Variants in CTRB2 observed in about 807,000 individuals in gnomAD.
CTRB2 encodes chymotrypsinogen B2.
In CTRB2, 9 loss-of-function variants were observed where a neutral mutation model predicts 19.3. The observed-to-expected ratio is 0.47, with a 90% CI of 0.28 to 0.81. The LOEUF is 0.81. CTRB2 is among the 40% of genes least tolerant of loss of function. The pLI, the probability that CTRB2 is intolerant of heterozygous loss-of-function variation, is 0.11. For synonymous variants in CTRB2, 98 were observed against 117.3 expected (o/e 0.84, Z 1.06); for missense variants, 210 against 269.7 (o/e 0.78, Z 1.55).
Position 75,204,210 on chromosome 16 carries a change from C to A in CTRB2, c.743G>T (p.Arg248Leu). 6.2e-7 allele frequency: 1 copy of A among 1,614,038 alleles called. No individual in the cohort carries two copies. The highest frequency in any genetic ancestry group is 8.5e-7 in the Non-Finnish European group (1 of 1,179,950). ...CSTTTPAVYA[R>L]VAKLIPWVQK... ...CACCCAGGGTATGAGCTTGGCGACACGGGCGTACACAGCGGGCGTGGTGGT... is the reference window on the plus strand; with the variant it reads ...CACCCAGGGTATGAGCTTGGCGACAAGGGCGTACACAGCGGGCGTGGTGGT... The change falls in exon 7 of 7, where the codon CGT becomes CTT. Residue 248 changes from arginine (R) to leucine (L), a missense_variant. Arg to Leu is a moderately radical substitution (Grantham distance 102, BLOSUM62 -2). Around this residue, in one of 4 missense-constraint regions of CTRB2, gnomAD observed 120 missense variants for 90.8 expected, o/e 1.32. Coordinates refer to ENST00000303037, the MANE Select transcript of CTRB2 (RefSeq NM_001025200.4).
chr16:75,204,110 C>A lies in CTRB2; in HGVS notation c.*51G>T. 6.2e-7 allele frequency: 1 copy of A among 1,611,702 alleles called. No individual in the cohort carries two copies. The highest frequency in any genetic ancestry group is 8.5e-7 in the Non-Finnish European group (1 of 1,177,928). ...AGGCAGTGCAGTCAGGGCTTCTAAA[C>A]AGATGCATTTAATGGGAAATCTTAA... On this transcript the variant is annotated 3_prime_UTR_variant, in exon 7 of 7. Transcript: ENST00000303037.
intron 1 of CTRB2, chr16:75,206,824 C>CT (rs1370003457): frequency 1.0e-5 from 5 of 498,124 alleles, no homozygotes; most frequent in Non-Finnish European, 1.8e-5. Flanking sequence ...CCTCCCCCCG[C>CT]CTCCTCCCCT....
At chr16:75,206,383 A>G in intron 1 of CTRB2, 190 bp from the exon 2 acceptor site, 1 of 630,786 alleles carries the variant, frequency 1.6e-6, no homozygotes, top group Non-Finnish European at 2.7e-6. Flanking sequence ...AGTCCAATGA[A>G]CTGGGCTGTG....
intron 1 of CTRB2, chr16:75,206,766 G>A (rs2151363530): frequency 2.4e-6 from 1 of 424,244 alleles, no homozygotes; most frequent in East Asian, 5.1e-5. Flanking sequence ...GCCGCTGACT[G>A]TTTGGGGGTT....
chr16:75,206,490 G>T, intron 1 of CTRB2: 1 of 492,278 alleles, frequency 2.0e-6, no homozygotes, highest in East Asian at 3.4e-5. Flanking sequence ...CAGTCTGGGA[G>T]GCCAGACTCT....
At chr16:75,206,255 C>T (rs116929620) in intron 1 of CTRB2, 62 bp from the exon 2 acceptor site, 1 of 1,476,922 alleles carries the variant, frequency 6.8e-7, no homozygotes, top group African/African-American at 1.4e-5. Flanking sequence ...GCTCCAGCCT[C>T]CTCTCACTCC....
chr16:75,206,821 C>T (rs2151363629), intron 1 of CTRB2: 1 of 492,900 alleles, frequency 2.0e-6, no homozygotes, highest in Non-Finnish European at 3.7e-6. Context: ...CCTCCTCCCC[C>T]CGCCTCCTCC....
intron 6 of CTRB2, 138 bp downstream of exon 6, chr16:75,204,635 G>T (rs2038872937): frequency 3.3e-6 from 5 of 1,496,522 alleles, no homozygotes; most frequent in Non-Finnish European, 4.5e-6. Flanking sequence ...CTCATGGGCG[G>T]CTGTGACCCC....
At chr16:75,206,252 C>A (rs1418343656) in intron 1 of CTRB2, 59 bp from the exon 2 acceptor site, 2 of 1,488,384 alleles carry the variant, frequency 1.3e-6, no homozygotes, top group Non-Finnish European at 1.8e-6. Flanking sequence ...AATGCTCCAG[C>A]CTCCTCTCAC....
Position 75,204,191 on chromosome 16 carries a change from G to C in CTRB2, c.762C>G (p.Pro254=), listed in dbSNP as rs779071927. Residue 254 remains proline, a synonymous_variant, in exon 7 of 7, where the codon CCC becomes CCG. Transcript: ENST00000303037. ...AVYARVAKLI[P]WVQKILAAN ...TGGCGGCCAGGATCTTCTGCACCCAGGGTATGAGCTTGGCGACACGGGCGT... is the reference window on the plus strand; with the variant it reads ...TGGCGGCCAGGATCTTCTGCACCCACGGTATGAGCTTGGCGACACGGGCGT... 1 of 1,614,156 alleles carries C rather than the reference G, an allele frequency of 6.2e-7. No homozygotes were observed. Among genetic ancestry groups the C allele is most frequent in the Admixed American group, 1.7e-5 (1 of 60,026 alleles).
Position 75,206,154 on chromosome 16 carries a change from A to G in CTRB2, c.92T>C (p.Leu31Pro). 1 of 1,551,996 alleles carries G rather than the reference A, an allele frequency of 6.4e-7. No individual in the cohort carries two copies. The highest frequency in any genetic ancestry group is 2.4e-5 in the East Asian group (1 of 41,188). The change falls in exon 2 of 7, where the codon CTG becomes CCG. Residue 31 changes from leucine (L) to proline (P), a missense_variant. Leu to Pro is a moderately conservative substitution (Grantham distance 98). This residue lies in a region of CTRB2 where 57 missense variants were observed against 72.6 expected (regional missense o/e 0.79). Coordinates refer to ENST00000303037, the MANE Select transcript of CTRB2 (RefSeq NM_001025200.4). ...VPAIHPVLSG[L>P]SRIVNGEDAV... ...GTCCTCCCCATTCACGATCCTGGAC[A>G]GGCCGCTGAGCACAGGGTGGATGGC...
At chr16:75,204,445 CG>C in intron 6 of CTRB2, 123 bp from the exon 7 acceptor site, 1 of 1,041,016 alleles carries the variant, frequency 9.6e-7, no homozygotes, top group Non-Finnish European at 1.4e-6. Context: ...GGGGCTGTGC[CG>C]GGGTCCTGAG....
chr16:75,206,852 T>C, intron 1 of CTRB2: 1 of 526,138 alleles, frequency 1.9e-6, no homozygotes, highest in Non-Finnish European at 3.5e-6. Flanking sequence ...TCAGGTCTGC[T>C]GGGGGTGAGG....
Position 75,204,274 on chromosome 16 carries a change from G to C in CTRB2, c.679C>G (p.Leu227Val), listed in dbSNP as rs1261087196. 1.2e-6 allele frequency: 2 copies of C among 1,614,118 alleles called. No individual in the cohort carries two copies. The highest frequency in any genetic ancestry group is 3.3e-5 in the Admixed American group (2 of 60,004). ...CTGCCCCAGGACACAATGCCCACCA[G>C]GGTCCAGGCTCCGTCCTTCTGGCAG... ...LVCQKDGAWT[L>V]VGIVSWGSRT... Residue 227 changes from leucine (L) to valine (V), a missense_variant, in exon 7 of 7, where the codon CTG becomes GTG. Physicochemically the swap from Leu to Val is conservative, Grantham distance 32. Transcript: ENST00000303037.
In CTRB2 at chr16:75,204,797, C is replaced by T; in HGVS notation, c.606G>A (p.Gly202=). 6.9e-7 allele frequency: 1 copy of T among 1,441,692 alleles called. No individual in the cohort carries two copies. The highest frequency in any genetic ancestry group is 1.3e-5 in the South Asian group (1 of 79,556). The allele number at this position is 1,441,692 out of a possible 1,614,324, so 89.3% of individuals were successfully genotyped here. A position where few individuals can be genotyped will look rare whatever the true frequency, so the allele number is the denominator to read the frequency against. The change falls in exon 6 of 7, where the codon GGG becomes GGA. Residue 202 remains glycine (G), a synonymous_variant. Transcript: ENST00000303037. ...RRITDVMICA[G]ASGVSSCMGD... ...CCATGCAGGAGGAGACGCCACTGGC[C>T]CCGGCACAGATCATCACGTCGGTGA...
intron 6 of CTRB2, 163 bp downstream of exon 6, chr16:75,204,610 T>C: frequency 7.2e-7 from 1 of 1,380,054 alleles, no homozygotes; most frequent in Non-Finnish European, 9.8e-7. Context: ...CTCAGCTGCA[T>C]GGCCTGGAGG....
rs2038875463 is a variant in CTRB2, at chr16:75,204,833, C to G, written c.570G>C (p.Trp190Cys). The G allele has an allele frequency of 5.8e-6, 8 of 1,378,252 alleles. No individual in the cohort carries two copies. Among genetic ancestry groups the G allele is most frequent in the Non-Finnish European group, 7.9e-6 (8 of 1,006,854 alleles). 85.4% of individuals were successfully genotyped at this position (1,378,252 alleles called of 1,614,324 possible). The change falls in exon 6 of 7, where the codon TGG becomes TGC. Residue 190 changes from tryptophan to cysteine, a missense_variant. By Grantham distance (215) the Trp-to-Cys change is radical. This residue lies in a region of CTRB2 where 27 missense variants were observed against 42.5 expected (regional missense o/e 0.64). Coordinates refer to ENST00000303037, the MANE Select transcript of CTRB2 (RefSeq NM_001025200.4). ...LLSNAECKKS[W>C]GRRITDVMIC... ...TCATCACGTCGGTGATCCTCCTGCCCCAGGACTTCTTGCATTCGGCATTGG... is the reference window on the plus strand; with the variant it reads ...TCATCACGTCGGTGATCCTCCTGCCGCAGGACTTCTTGCATTCGGCATTGG...
chr16:75,207,074 AG>A lies in CTRB2; in HGVS notation c.52+15del. 1 of 1,552,296 alleles carries A rather than the reference AG, an allele frequency of 6.4e-7. No individual in the cohort carries two copies. The highest frequency in any genetic ancestry group is 8.7e-7 in the Non-Finnish European group (1 of 1,147,198). On this transcript the variant is annotated intron_variant, in intron 1 of 6. Transcript: ENST00000303037. ...GAGGAGAAAACCCTTCGGCCTCCGC[AG>A]GGCCTGGCACTCACCGAAGGTGGTA...
In CTRB2 at chr16:75,204,724, C is replaced by A; in HGVS notation, c.630+49G>T. ...AGAGAGGGGTGGAAAGCCCAGACCTCCCCTGCACCCCGCTCGCCTGGCCAG... is the reference window on the plus strand; with the variant it reads ...AGAGAGGGGTGGAAAGCCCAGACCTACCCTGCACCCCGCTCGCCTGGCCAG... On this transcript the variant is annotated intron_variant, in intron 6 of 6. Transcript: ENST00000303037. 2 of 1,464,456 alleles carry A rather than the reference C, an allele frequency of 1.4e-6. 1 individual carries two copies. The highest frequency in any genetic ancestry group is 1.9e-6 in the Non-Finnish European group (2 of 1,078,834). 90.7% of individuals were successfully genotyped at this position (1,464,456 alleles called of 1,614,324 possible). A position where few individuals can be genotyped will look rare whatever the true frequency, so the allele number is the denominator to read the frequency against.
Sources: gnomAD v4.1 joint callset for allele counts on GRCh38, gnomAD v4.1.1 for gene constraint, gnomAD v4.1.1 regional missense constraint, MANE v1.5 for transcripts, NCBI Gene and HGNC (gene_info 2026-07-23, HGNC 2026-07-21) for gene names.